The following CDH12 variants were observed in gnomAD, a reference collection of about 807,000 sequenced individuals.
CDH12 encodes cadherin-12.
In CDH12, 41 loss-of-function variants were observed where a neutral mutation model predicts 74.1. The ratio of observed to expected loss-of-function variants is 0.55; its 90% CI spans 0.43 to 0.72. CDH12 has a LOEUF of 0.72. Among genes scored for constraint, CDH12 ranks in the 30% least tolerant of loss-of-function variants. The probability of loss-of-function intolerance (pLI) is 0.00; values close to 1 mark genes in which losing one functional copy is unlikely to be tolerated. For missense variants in CDH12, 945 were observed against 977.2 expected, an observed-to-expected ratio of 0.97 and a Z score of 0.44; for synonymous variants, 399 against 355.0, an observed-to-expected ratio of 1.12 and a Z score of -1.39.
chr5:22,321,681 T>C (rs1031469583), intron 3 of CDH12, among the ~76,000 whole-genome samples: 3 of 152,170 alleles, frequency 2.0e-5, no homozygotes, highest in African/African-American at 7.2e-5. Context: ...GGCATCACTA[T>C]ACTTTTGCAT....
chr5:21,878,125 C>A (rs1229630341), intron 6 of CDH12, among the ~76,000 whole-genome samples: 1 of 152,098 alleles, frequency 6.6e-6, no homozygotes, highest in Non-Finnish European at 1.5e-5. Context: ...TTAAATATTC[C>A]TAGCTAATAG....
chr5:22,525,931 A>G (rs2126693876), intron 1 of CDH12, among the ~76,000 whole-genome samples: 1 of 152,342 alleles, frequency 6.6e-6, no homozygotes, highest in South Asian at 2.1e-4. Context: ...AAAGTATATT[A>G]GTAGACAGAA....
intron 9 of CDH12, among the ~76,000 whole-genome samples, chr5:21,813,154 C>T (rs903184960): frequency 2.0e-5 from 3 of 152,094 alleles, no homozygotes; most frequent in African/African-American, 7.2e-5. Context: ...TTACTGTTCT[C>T]TTAAGACAAC....
chr5:21,851,831 T>C (rs1223146920), intron 7 of CDH12, among the ~76,000 whole-genome samples: 1 of 151,364 alleles, frequency 6.6e-6, no homozygotes, highest in Admixed American at 6.6e-5. Flanking sequence ...AACAGCAGTG[T>C]CAATACAGAA....
intron 3 of CDH12, among the ~76,000 whole-genome samples, chr5:22,350,515 C>T (rs1201279985): frequency 6.6e-6 from 1 of 152,046 alleles, no homozygotes; most frequent in Non-Finnish European, 1.5e-5. Flanking sequence ...TGAGATAGTC[C>T]AGTGGTACTT....
chr5:22,425,172 A>ATAAATAT (rs1554039892), intron 2 of CDH12, among the ~76,000 whole-genome samples: 1 of 83,454 alleles, frequency 1.2e-5, no homozygotes, highest in Admixed American at 1.2e-4. Context: ...TATATATATA[A>ATAAATAT]ATATATATAT....
At chr5:22,380,258 A>T (rs1409435201) in intron 3 of CDH12, among the ~76,000 whole-genome samples, 2 of 152,294 alleles carry the variant, frequency 1.3e-5, no homozygotes, top group East Asian at 1.9e-4. Context: ...AAAATTAATC[A>T]ACCTCCACTG....
chr5:22,283,224 A>ATC (rs1736974986), intron 3 of CDH12, among the ~76,000 whole-genome samples: 5 of 46,690 alleles, frequency 1.1e-4, no homozygotes, highest in African/African-American at 4.5e-4. Flanking sequence ...ATAGATATAT[A>ATC]TATATATATA....
chr5:22,370,255 A>G (rs975199753), intron 3 of CDH12, among the ~76,000 whole-genome samples: 2 of 152,160 alleles, frequency 1.3e-5, no homozygotes, highest in African/African-American at 4.8e-5. Context: ...TTGCTTTAAC[A>G]TATTCCCACT....
At chr5:22,531,352 T>C (rs1205473213) in intron 1 of CDH12, among the ~76,000 whole-genome samples, 1 of 152,162 alleles carries the variant, frequency 6.6e-6, no homozygotes, top group African/African-American at 2.4e-5. Flanking sequence ...TTCCATGTTA[T>C]GGTGAATGAT....
At chr5:22,641,679 C>T (rs986058902) in intron 1 of CDH12, among the ~76,000 whole-genome samples, 3 of 152,176 alleles carry the variant, frequency 2.0e-5, no homozygotes, top group African/African-American at 7.2e-5. Context: ...AAGGCTTCTG[C>T]TAGGGTGCTC....
At chr5:22,518,789 G>C (rs141662087) in intron 1 of CDH12, among the ~76,000 whole-genome samples, 75 of 152,234 alleles carry the variant, frequency 4.9e-4, no homozygotes, top group African/African-American at 1.7e-3. Context: ...GAGTGCCTTT[G>C]GTAAACACAG....
At chr5:22,378,030 A>G (rs1741609127) in intron 3 of CDH12, among the ~76,000 whole-genome samples, 1 of 152,188 alleles carries the variant, frequency 6.6e-6, no homozygotes, top group Non-Finnish European at 1.5e-5. Flanking sequence ...ATAACTGATT[A>G]TGAATAATAA....
chr5:22,610,429 G>A (rs568564876), intron 1 of CDH12, among the ~76,000 whole-genome samples: 12 of 152,138 alleles, frequency 7.9e-5, no homozygotes, highest in East Asian at 3.9e-4. Flanking sequence ...AAATAAAACC[G>A]ATCTAGTAAA....
chr5:22,236,807 A>G (rs1752576347), intron 3 of CDH12, among the ~76,000 whole-genome samples: 1 of 152,078 alleles, frequency 6.6e-6, no homozygotes, highest in African/African-American at 2.4e-5. Flanking sequence ...TCACCAGATC[A>G]GGATAATCAA....
chr5:22,334,885 A>G (rs986117065), intron 3 of CDH12, among the ~76,000 whole-genome samples: 5 of 152,202 alleles, frequency 3.3e-5, no homozygotes, highest in African/African-American at 9.6e-5. Flanking sequence ...GCCTCAAACT[A>G]TAAAAATACT....
chr5:22,223,072 T>G (rs1580420605), intron 3 of CDH12, among the ~76,000 whole-genome samples: 1 of 152,042 alleles, frequency 6.6e-6, no homozygotes, highest in African/African-American at 2.4e-5. Flanking sequence ...ATATCATTAT[T>G]AAGTGGACGT....
At chr5:22,313,674 G>T (rs2150430727) in intron 3 of CDH12, among the ~76,000 whole-genome samples, 1 of 152,298 alleles carries the variant, frequency 6.6e-6, no homozygotes, top group African/African-American at 2.4e-5. Flanking sequence ...AATATCTTTT[G>T]CAGCAACTGG....
At chr5:22,558,990 G>A (rs1738925991) in intron 1 of CDH12, among the ~76,000 whole-genome samples, 1 of 152,008 alleles carries the variant, frequency 6.6e-6, no homozygotes, top group Non-Finnish European at 1.5e-5. Context: ...ATGTTGGTTT[G>A]GTTCTTTGTC....
Sources: allele counts gnomAD v4.1 joint callset (sites outside exome capture counted in the v4.1 genomes callset), GRCh38; gene constraint gnomAD v4.1.1; transcripts MANE v1.5; gene names NCBI Gene and HGNC (gene_info 2026-07-23, HGNC 2026-07-21).